The following GTF2IRD1 variants were observed in gnomAD, a reference collection of about 807,000 sequenced individuals.
GTF2IRD1 encodes general transcription factor II-I repeat domain-containing protein 1.
A neutral mutation model predicts 113.2 loss-of-function variants in GTF2IRD1; 26 were observed. The observed-to-expected ratio is 0.23, with a 90% CI of 0.17 to 0.32. The LOEUF (loss-of-function observed/expected upper bound fraction) is 0.32, where lower values mean the gene tolerates loss of function less well. Ranked by LOEUF, GTF2IRD1 falls within the 10% of genes least tolerant of loss-of-function variation. GTF2IRD1 has a pLI of 1.00. For missense variants in GTF2IRD1, 864 were observed against 1,280.8 expected (o/e 0.67, Z 4.97); for synonymous variants, 484 against 529.1 (o/e 0.91, Z 1.17).
At chr7:74,454,515 C>T (rs1351523207) in intron 1 of GTF2IRD1, among the ~76,000 whole-genome samples, 1 of 152,034 alleles carries the variant, frequency 6.6e-6, no homozygotes, top group African/African-American at 2.4e-5. Flanking sequence ...CGAATGAGGT[C>T]AGTCGCGCTG....
At chr7:74,557,973 A>G (rs1435777730) in intron 20 of GTF2IRD1, among the ~76,000 whole-genome samples, 1 of 152,108 alleles carries the variant, frequency 6.6e-6, no homozygotes, top group African/African-American at 2.4e-5. Context: ...AGAACTACAC[A>G]CAGAATTTAA....
intron 1 of GTF2IRD1, among the ~76,000 whole-genome samples, chr7:74,478,644 T>TGG (rs557767001): frequency 1.3e-3 from 198 of 151,892 alleles, no homozygotes; most frequent in African/African-American, 4.6e-3. Flanking sequence ...TTAGTAGAGA[T>TGG]GGGGTTTCAC....
chr7:74,602,590 A>G lies in GTF2IRD1; in HGVS notation c.*157A>G. On this transcript the variant is annotated 3_prime_UTR_variant, in exon 27 of 27. Transcript: ENST00000424337. ...AAGGCCTTTTTAAATAAGTAAAAAA[A>G]GAAAAAAAAAAAAAAGAGTGTTGCC... 3 of 397,556 alleles carry G rather than the reference A, an allele frequency of 7.5e-6. No homozygotes were observed. Among genetic ancestry groups the G allele is most frequent in the Non-Finnish European group, 1.2e-5 (3 of 246,300 alleles). The allele number at this position is 397,556 out of a possible 1,614,324, so 24.6% of individuals were successfully genotyped here. A position where few individuals can be genotyped will look rare whatever the true frequency, so the allele number is the denominator to read the frequency against.
At position 74,580,571 on chromosome 7, in the gene GTF2IRD1, C is replaced by G. The variant is rs587733897; in HGVS notation, c.2321-9280C>G. Among the ~76,000 whole-genome samples the G allele has an allele frequency of 1.5e-4, 22 of 149,786 alleles. No homozygotes were observed. The East Asian group carries it at 4.1e-3, about 28-fold the overall frequency. On this transcript the variant is annotated intron_variant, in intron 22 of 26. Coordinates refer to ENST00000424337, the MANE Select transcript of GTF2IRD1 (RefSeq NM_005685.4). ...GCTGTGATTCAGTGAGCTTGGTTGT[C>G]TTTTTTTTTTCCCCCTTGGCAAATT... is the stretch of plus-strand genomic sequence containing the variant.
chr7:74,530,493 A>ATTT (rs57782999), intron 9 of GTF2IRD1, among the ~76,000 whole-genome samples: 1 of 102,236 alleles, frequency 9.8e-6, no homozygotes, highest in Admixed American at 1.2e-4. Flanking sequence ...GCACTTTGTA[A>ATTT]TTTTTTTTTT....
intron 1 of GTF2IRD1, among the ~76,000 whole-genome samples, chr7:74,480,013 C>T (rs957817228): frequency 2.0e-5 from 3 of 152,136 alleles, no homozygotes; most frequent in Non-Finnish European, 4.4e-5. Context: ...TCCCTAAGTG[C>T]TGGGATTACA....
chr7:74,515,056 C>CAG (rs1796847295), intron 3 of GTF2IRD1, among the ~76,000 whole-genome samples: 1 of 66,796 alleles, frequency 1.5e-5, no homozygotes, highest in Non-Finnish European at 2.9e-5. Flanking sequence ...GACTCTGTCT[C>CAG]AAAAAAAAAA....
chr7:74,473,061 GC>G (rs1357289158), intron 1 of GTF2IRD1, among the ~76,000 whole-genome samples: 1 of 152,210 alleles, frequency 6.6e-6, no homozygotes, highest in Non-Finnish European at 1.5e-5. Context: ...ATGGTTGATG[GC>G]CCCCCAGGGA....
intron 22 of GTF2IRD1, among the ~76,000 whole-genome samples, chr7:74,561,315 C>G (rs1172939369): frequency 6.7e-6 from 1 of 148,524 alleles, no homozygotes; most frequent in African/African-American, 2.5e-5. Flanking sequence ...CGCGACTGCA[C>G]TCCACCTTGG....
intron 19 of GTF2IRD1, among the ~76,000 whole-genome samples, chr7:74,557,211 C>T (rs1165793444): frequency 6.6e-6 from 1 of 152,156 alleles, no homozygotes; most frequent in African/African-American, 2.4e-5. Context: ...GGCCCATCCC[C>T]TGTGTCTGTG....
chr7:74,555,373 G>A lies in GTF2IRD1; in HGVS notation c.1967-65G>A, dbSNP rs1309332743. On this transcript the variant is annotated intron_variant, in intron 18 of 26. Coordinates refer to ENST00000424337, the MANE Select transcript of GTF2IRD1 (RefSeq NM_005685.4). The surrounding 1 kb of genome is among the most constrained non-coding windows in gnomAD (Gnocchi z 5.3). ...ACCCCCACATTGGGTTTCCCCTAACGATGCCATCTTGGGTCCCAGGAACTG... is the reference window on the plus strand; with the variant it reads ...ACCCCCACATTGGGTTTCCCCTAACAATGCCATCTTGGGTCCCAGGAACTG... 26 of 1,578,106 alleles carry A rather than the reference G, an allele frequency of 1.6e-5. No individual in the cohort carries two copies. Among genetic ancestry groups the A allele is most frequent in the African/African-American group, 1.3e-4 (10 of 74,208 alleles).
chr7:74,508,846 G>A (rs1031410307), intron 2 of GTF2IRD1, among the ~76,000 whole-genome samples: 4 of 152,152 alleles, frequency 2.6e-5, no homozygotes. Flanking sequence ...TGTGTGGGGA[G>A]CCATTCACTA....
chr7:74,476,284 TCAGCC>T (rs1794400752), intron 1 of GTF2IRD1, among the ~76,000 whole-genome samples: 2 of 151,968 alleles, frequency 1.3e-5, no homozygotes, highest in African/African-American at 4.8e-5. Flanking sequence ...AAATCATGGC[TCAGCC>T]CAGCCTGGCC....
chr7:74,557,721 C>T lies in GTF2IRD1; in HGVS notation c.2106C>T (p.Tyr702=), dbSNP rs758790855. Residue 702 remains tyrosine, a splice_region_variant and synonymous_variant, in exon 20 of 27, where the codon TAC becomes TAT. Transcript: ENST00000424337. The part of the protein sequence containing the change: ...EQVQDLFNKK[Y]GEALGIKYPV... ...TCCAGGACCTTTTCAATAAGAAATA[C>T]GGTAAGCAGTGCAGAACCCCCGGGG... 46 of 1,596,858 alleles carry T rather than the reference C, an allele frequency of 2.9e-5. No homozygotes were observed. The highest frequency in any genetic ancestry group is 1.6e-4 in the East Asian group (7 of 44,810).
At chr7:74,513,012 C>G in intron 3 of GTF2IRD1, 41 bp downstream of exon 3, 8 of 1,601,612 alleles carry the variant, frequency 5.0e-6, no homozygotes, top group Non-Finnish European at 6.8e-6. Flanking sequence ...CCCGCCATTT[C>G]CCGAGGGCAG....
intron 23 of GTF2IRD1, 27 bp from the exon 24 acceptor site, chr7:74,590,798 C>T (rs1802013010): frequency 6.6e-7 from 1 of 1,513,090 alleles, no homozygotes; most frequent in Non-Finnish European, 9.0e-7. Flanking sequence ...GACATCTTTC[C>T]TCACTGTGAC....
intron 9 of GTF2IRD1, among the ~76,000 whole-genome samples, chr7:74,531,882 C>T (rs368747301): frequency 1.1e-4 from 17 of 152,264 alleles, no homozygotes; most frequent in East Asian, 7.7e-4. Flanking sequence ...GCCCCAACCC[C>T]AACTCATGCC....
intron 1 of GTF2IRD1, among the ~76,000 whole-genome samples, chr7:74,496,184 A>T (rs1795661305): frequency 6.6e-6 from 1 of 150,574 alleles, no homozygotes; most frequent in African/African-American, 2.5e-5. Flanking sequence ...TATGCATGTG[A>T]GTGGCTATGC....
At chr7:74,596,187 C>T (rs1159753051) in intron 25 of GTF2IRD1, among the ~76,000 whole-genome samples, 4 of 151,992 alleles carry the variant, frequency 2.6e-5, no homozygotes, top group Admixed American at 6.6e-5. Flanking sequence ...CAGGGCCGGG[C>T]GCGGTGGCTC....
Sources: allele counts gnomAD v4.1 joint callset (sites outside exome capture counted in the v4.1 genomes callset), GRCh38; gene constraint gnomAD v4.1.1; non-coding constraint Gnocchi (gnomAD v3.1); transcripts MANE v1.5; gene names NCBI Gene and HGNC (gene_info 2026-07-23, HGNC 2026-07-21).